The following NFATC2 variants were observed in gnomAD, a reference collection of about 807,000 sequenced individuals.
NFATC2 encodes nuclear factor of activated T cells 2.
In NFATC2, 22 loss-of-function variants were observed where a neutral mutation model predicts 87.3. The observed-to-expected ratio is 0.25, with a 90% confidence interval of 0.18 to 0.36. The LOEUF is 0.36. Ranked by LOEUF, NFATC2 falls within the 10% of genes least tolerant of loss-of-function variation. NFATC2 has a pLI of 1.00. For synonymous variants in NFATC2, 565 were observed against 542.2 expected, an observed-to-expected ratio of 1.04 and a Z score of -0.58; for missense variants, 1,149 against 1,259.1, an observed-to-expected ratio of 0.91 and a Z score of 1.32.
chr20:51,540,663 T>TTTTTTTTTTTTTTTTGTTTG, intron 1 of NFATC2, among the ~76,000 whole-genome samples: 1 of 135,692 alleles, frequency 7.4e-6, no homozygotes, highest in East Asian at 2.3e-4. Flanking sequence ...TTTTTGTTTT[T>TTTTTTTTTTTTTTTTGTTTG]TTTTTTTTGA....
At chr20:51,411,031 A>G (rs376212474) in intron 9 of NFATC2, among the ~76,000 whole-genome samples, 9 of 152,284 alleles carry the variant, frequency 5.9e-5, no homozygotes, top group African/African-American at 2.2e-4. Context: ...GGTATTTGGT[A>G]TCTACTGGGT....
At chr20:51,529,103 A>C (rs2076591936) in intron 1 of NFATC2, among the ~76,000 whole-genome samples, 2 of 152,210 alleles carry the variant, frequency 1.3e-5, no homozygotes, top group South Asian at 4.1e-4. Context: ...CAACATTCTG[A>C]GAATTCACTG....
intron 1 of NFATC2, among the ~76,000 whole-genome samples, chr20:51,540,832 T>C (rs2076805591): frequency 6.6e-6 from 1 of 151,640 alleles, no homozygotes; most frequent in South Asian, 2.1e-4. Context: ...ACAAGGAAAA[T>C]AAAAGCTGAT....
chr20:51,482,080 T>C (rs751806734), intron 3 of NFATC2, among the ~76,000 whole-genome samples: 34 of 152,142 alleles, frequency 2.2e-4, no homozygotes, highest in Non-Finnish European at 4.0e-4. Context: ...TTCTGTTGTA[T>C]GGCTGATTCC....
intron 3 of NFATC2, among the ~76,000 whole-genome samples, chr20:51,484,667 A>T (rs887498138): frequency 6.6e-6 from 1 of 152,224 alleles, no homozygotes; most frequent in African/African-American, 2.4e-5. Flanking sequence ...CAGCTTGGGC[A>T]ATTCTCCTCC....
At chr20:51,534,846 G>A (rs1362003600) in intron 1 of NFATC2, among the ~76,000 whole-genome samples, 1 of 152,116 alleles carries the variant, frequency 6.6e-6, no homozygotes, top group East Asian at 1.9e-4. Flanking sequence ...GTTCTCGAAT[G>A]TCCCATAAAT....
chr20:51,523,567 C>A lies in NFATC2; in HGVS notation c.674G>T (p.Ser225Ile). The A allele has an allele frequency of 6.2e-7, 1 of 1,613,786 alleles. No homozygotes were observed. The highest frequency in any genetic ancestry group is 8.5e-7 in the Non-Finnish European group (1 of 1,179,812). The part of the protein sequence containing the change: ...RTSPIMSPRT[S>I]LAEDSCLGRH... ...GCCCAGGCAGCTGTCCTCGGCGAGG[C>A]TGGTTCGAGGTGACATTATTGGCGA... The change falls in exon 2 of 11, where the codon AGC (serine) becomes ATC (isoleucine). Residue 225 changes from serine (S) to isoleucine (I), a missense_variant. By Grantham distance (142) the Ser-to-Ile change is moderately radical. Coordinates refer to ENST00000371564, the MANE Select transcript of NFATC2 (RefSeq NM_012340.5). The surrounding 1 kb of genome is among the most constrained non-coding windows in gnomAD (Gnocchi z 6.9).
At chr20:51,559,911 A>T (rs560416884) in intron 1 of NFATC2, among the ~76,000 whole-genome samples, 118 of 152,356 alleles carry the variant, frequency 7.7e-4, no homozygotes, top group Admixed American at 2.2e-3. Context: ...GATGAAGTTG[A>T]TACTATCATT....
chr20:51,434,717 T>C (rs969715624), intron 8 of NFATC2, among the ~76,000 whole-genome samples: 1 of 152,148 alleles, frequency 6.6e-6, no homozygotes, highest in African/African-American at 2.4e-5. Context: ...GGGGCTGTAC[T>C]TTGTGGGAAT....
In NFATC2 at chr20:51,444,412, T is replaced by C. The variant is rs1442782648; in HGVS notation, c.1850-8651A>G. 3.3e-5 allele frequency among the ~76,000 whole-genome samples: 5 copies of C among 152,074 alleles called. No individual in the cohort carries two copies. The East Asian group carries it at 7.7e-4, about 23-fold the overall frequency. ...TATGGCCCCTATACTTTCGTTGGTT[T>C]CCTGGTTTCTCTTTGCAGGCAATTA... On this transcript the variant is annotated intron_variant, in intron 6 of 10. Coordinates refer to ENST00000371564, the MANE Select transcript of NFATC2 (RefSeq NM_012340.5).
Position 51,523,549 on chromosome 20 carries a change from C to T in NFATC2, c.692G>A (p.Cys231Tyr), listed in dbSNP as rs1384212473. 4 of 1,613,722 alleles carry T rather than the reference C, an allele frequency of 2.5e-6. No homozygotes were observed. Among genetic ancestry groups the T allele is most frequent in the Non-Finnish European group, 3.4e-6 (4 of 1,179,786 alleles). Residue 231 changes from cysteine (C) to tyrosine (Y), a missense_variant, in exon 2 of 11, where the codon TGC becomes TAC. Cys to Tyr is a radical substitution (Grantham distance 194). This residue lies in a region of NFATC2 where 563 missense variants were observed against 585.2 expected (regional missense o/e 0.96). Coordinates refer to ENST00000371564, the MANE Select transcript of NFATC2 (RefSeq NM_012340.5). The surrounding 1 kb of genome is among the most constrained non-coding windows in gnomAD (Gnocchi z 6.9). ...SPRTSLAEDS[C>Y]LGRHSPVPRP... is the part of the protein sequence containing the mutation. ...GGGCACGGGCGAGTGGCGGCCCAGG[C>T]AGCTGTCCTCGGCGAGGCTGGTTCG...
chr20:51,395,233 T>C (rs1394851345), intron 10 of NFATC2, among the ~76,000 whole-genome samples: 2 of 150,268 alleles, frequency 1.3e-5, no homozygotes, highest in Non-Finnish European at 2.9e-5. Flanking sequence ...ATTTTATAGA[T>C]GGGGAAATAG....
intron 6 of NFATC2, among the ~76,000 whole-genome samples, chr20:51,447,765 G>C (rs1985259360): frequency 6.6e-6 from 1 of 152,192 alleles, no homozygotes. Context: ...CATCCAAATG[G>C]CTTTTCAGCA....
chr20:51,390,095 C>CTG lies in NFATC2; in HGVS notation c.*1399_*1400dup, dbSNP rs3029232. 101,899 of 151,896 alleles carry CTG rather than the reference C, an allele frequency of 0.67. 35,709 individuals are homozygous for CTG. Among genetic ancestry groups the CTG allele is most frequent in the African/African-American group, 0.89 (37,032 of 41,426 alleles). The allele number at this position is 151,896 out of a possible 1,614,324, so 9.4% of individuals were successfully genotyped here. The stretch of plus-strand genomic sequence containing the variant: ...ACCCACAGAGGAAGACTAGGGGAGA[C>CTG]TGGGTGCGCTCAGTGGAAACAGTTG... On this transcript the variant is annotated 3_prime_UTR_variant, in exon 11 of 11. Transcript: ENST00000371564.
intron 3 of NFATC2, among the ~76,000 whole-genome samples, chr20:51,483,166 C>A (rs1006863492): frequency 6.6e-6 from 1 of 152,164 alleles, no homozygotes; most frequent in Non-Finnish European, 1.5e-5. Flanking sequence ...CCATTACAAA[C>A]ACTGCAATAA....
At chr20:51,441,760 A>G (rs1355067559) in intron 6 of NFATC2, among the ~76,000 whole-genome samples, 1 of 151,784 alleles carries the variant, frequency 6.6e-6, no homozygotes, top group African/African-American at 2.4e-5. Context: ...ACTGAACTTA[A>G]GAAGATGTGG....
At chr20:51,460,363 T>C (rs1221532057) in intron 5 of NFATC2, among the ~76,000 whole-genome samples, 1 of 152,150 alleles carries the variant, frequency 6.6e-6, no homozygotes, top group African/African-American at 2.4e-5. Flanking sequence ...AGTCTCCCCA[T>C]CTGTAAAATG....
chr20:51,394,343 G>C (rs1357125647), intron 10 of NFATC2, among the ~76,000 whole-genome samples: 1 of 152,114 alleles, frequency 6.6e-6, no homozygotes, highest in African/African-American at 2.4e-5. Context: ...GGGAACCCCA[G>C]TGCCCTTTCA....
At chr20:51,545,909 T>A (rs115995718), upstream of NFATC2, among the ~76,000 whole-genome samples, 781 of 152,258 alleles carry the variant, frequency 5.1e-3, 6 homozygotes, top group African/African-American at 0.018. Context: ...CATTAATCAA[T>A]GGAAGAGTAG....
Sources: gnomAD v4.1 joint callset for allele counts (sites outside exome capture counted in the v4.1 genomes callset) on GRCh38, gnomAD v4.1.1 for gene constraint, gnomAD v4.1.1 regional missense constraint, Gnocchi (gnomAD v3.1) non-coding constraint, MANE v1.5 for transcripts, NCBI Gene and HGNC (gene_info 2026-07-23, HGNC 2026-07-21) for gene names.